PLA2R1: variants seen among roughly 807,000 people sequenced by gnomAD.
PLA2R1 encodes the protein secretory phospholipase A2 receptor.
Under a neutral mutation model 195.9 loss-of-function variants are expected in PLA2R1, and 158 were observed. That is an observed-to-expected ratio of 0.81 (90% confidence interval 0.71 to 0.92). The LOEUF (loss-of-function observed/expected upper bound fraction) is 0.92, where lower values mean the gene tolerates loss of function less well. Ranked by LOEUF, PLA2R1 falls within the 40% of genes least tolerant of loss-of-function variation. The probability of loss-of-function intolerance (pLI) is 0.00; values close to 1 mark genes in which losing one functional copy is unlikely to be tolerated. For synonymous variants in PLA2R1, 586 were observed against 598.2 expected (o/e 0.98, Z 0.30); for missense variants, 1,626 against 1,764.6 (o/e 0.92, Z 1.41).
intron 6 of PLA2R1, among the ~76,000 whole-genome samples, chr2:160,025,769 A>G (rs1007986986): frequency 6.6e-6 from 1 of 152,168 alleles, no homozygotes; most frequent in Admixed American, 6.5e-5. Flanking sequence ...GGCAGTAGTA[A>G]GTCTTTACCT....
Position 159,969,391 on chromosome 2 carries a change from T to C in PLA2R1, c.2661-32A>G. The C allele has an allele frequency of 3.4e-6, 4 of 1,177,082 alleles. No homozygotes were observed. In the South Asian group the frequency reaches 5.0e-5, roughly 15 times the overall value. The allele number at this position is 1,177,082 out of a possible 1,614,324, so 72.9% of individuals were successfully genotyped here. A position where few individuals can be genotyped will look rare whatever the true frequency, so the allele number is the denominator to read the frequency against. ...GAAGATTAAAAATGTTAAGGTCTTC[T>C]CTCATTCTGCATGTCCAGTCTCCAA... is the stretch of plus-strand genomic sequence containing the variant. On this transcript the variant is annotated intron_variant, in intron 18 of 29. Coordinates refer to ENST00000283243, the MANE Select transcript of PLA2R1 (RefSeq NM_007366.5).
intron 6 of PLA2R1, among the ~76,000 whole-genome samples, chr2:160,025,433 G>T (rs781074814): frequency 1.3e-5 from 2 of 151,878 alleles, no homozygotes; most frequent in African/African-American, 2.4e-5. Context: ...AGAAATGCAC[G>T]ATATTAAAAG....
intron 11 of PLA2R1, among the ~76,000 whole-genome samples, chr2:160,002,296 C>A (rs1691657522): frequency 6.6e-6 from 1 of 151,868 alleles, no homozygotes. Context: ...ACAACTCAAG[C>A]AGCACTTGGA....
intron 20 of PLA2R1, among the ~76,000 whole-genome samples, chr2:159,957,640 A>T (rs1043017599): frequency 2.0e-5 from 3 of 152,196 alleles, no homozygotes; most frequent in African/African-American, 7.2e-5. Context: ...GGTGTGAGCC[A>T]CTGCGCCCTG....
chr2:159,938,446 T>G lies in PLA2R1; in HGVS notation c.*3332A>C, dbSNP rs753913521. 3.9e-5 allele frequency: 6 copies of G among 152,262 alleles called. No homozygotes were observed. The highest frequency in any genetic ancestry group is 5.9e-5 in the Non-Finnish European group (4 of 68,074). The allele number at this position is 152,262 out of a possible 1,614,324, so 9.4% of individuals were successfully genotyped here. A position where few individuals can be genotyped will look rare whatever the true frequency, so the allele number is the denominator to read the frequency against. On this transcript the variant is annotated 3_prime_UTR_variant, in exon 30 of 30. Coordinates refer to ENST00000283243, the MANE Select transcript of PLA2R1 (RefSeq NM_007366.5). The stretch of plus-strand genomic sequence containing the variant: ...CTTTCTGGACGAAAAGAGTAGCTAA[T>G]GGTAGCTAATGGGATCTCACCACTG...
chr2:160,015,572 G>A (rs1165192332), intron 9 of PLA2R1, among the ~76,000 whole-genome samples: 1 of 152,108 alleles, frequency 6.6e-6, no homozygotes, highest in Non-Finnish European at 1.5e-5. Flanking sequence ...AATAAAACAC[G>A]CTGAGTTTCC....
At chr2:159,927,405 C>A (rs1163687530), downstream of PLA2R1, among the ~76,000 whole-genome samples, 1 of 152,106 alleles carries the variant, frequency 6.6e-6, no homozygotes, top group Admixed American at 6.6e-5. Context: ...AAACATGGAG[C>A]AAAACAGAAG....
chr2:159,960,436 A>AAATG (rs999521331), intron 20 of PLA2R1, among the ~76,000 whole-genome samples: 1 of 152,194 alleles, frequency 6.6e-6, no homozygotes, highest in Admixed American at 6.5e-5. Context: ...TCGAGATAGT[A>AAATG]AATGAATGAA....
Position 159,956,561 on chromosome 2 carries a change from A to G in PLA2R1, c.2971T>C (p.Cys991Arg). ...WKNWTHAQHF[C>R]AEEGGTLVAI... ...ACCAGGGTCCCCCCTTCTTCAGCAC[A>G]GAAATGTTGAGCATGCGTCCAGTTC... The change falls in exon 21 of 30, where the codon TGT becomes CGT. Residue 991 changes from cysteine to arginine, a missense_variant. Coordinates refer to ENST00000283243, the MANE Select transcript of PLA2R1 (RefSeq NM_007366.5). 1 of 1,613,900 alleles carries G rather than the reference A, an allele frequency of 6.2e-7. No homozygotes were observed.
chr2:160,052,343 G>A (rs992500309), intron 1 of PLA2R1, among the ~76,000 whole-genome samples: 15 of 152,280 alleles, frequency 9.9e-5, no homozygotes, highest in Middle Eastern at 3.4e-3. Flanking sequence ...GGCCATTCCC[G>A]TTCCCTCCTC....
chr2:159,959,632 C>T (rs1472564608), intron 20 of PLA2R1, among the ~76,000 whole-genome samples: 5 of 152,160 alleles, frequency 3.3e-5, no homozygotes, highest in Non-Finnish European at 1.5e-5. Flanking sequence ...AAAATCATTT[C>T]TAGCTCAATA....
Position 159,934,832 on chromosome 2 carries a change from A to T in PLA2R1, c.*6946T>A, listed in dbSNP as rs1433285044. 1 of 152,216 alleles carries T rather than the reference A, an allele frequency of 6.6e-6. No individual in the cohort carries two copies. Among genetic ancestry groups the T allele is most frequent in the Admixed American group, 6.5e-5 (1 of 15,282 alleles). The allele number at this position is 152,216 out of a possible 1,614,324, so 9.4% of individuals were successfully genotyped here. On this transcript the variant is annotated 3_prime_UTR_variant, in exon 30 of 30. Transcript: ENST00000283243. ...AAAACAAAGAAACTAATACTGGTAC[A>T]ATACTATTAATTAAACCATAGACTT...
At chr2:159,974,636 C>T (rs1222801104) in intron 17 of PLA2R1, among the ~76,000 whole-genome samples, 1 of 152,096 alleles carries the variant, frequency 6.6e-6, no homozygotes, top group Non-Finnish European at 1.5e-5. Context: ...TCATATTGAA[C>T]ATTATGGTTT....
chr2:160,060,972 T>C (rs1462897746), intron 1 of PLA2R1, among the ~76,000 whole-genome samples: 1 of 152,248 alleles, frequency 6.6e-6, no homozygotes, highest in African/African-American at 2.4e-5. Flanking sequence ...ATCTCTGACT[T>C]TGGTCACTTT....
At position 159,992,951 on chromosome 2, in the gene PLA2R1, T is replaced by TTA. The variant is rs772889795; in HGVS notation, c.1835-5595_1835-5594dup. Among the ~76,000 whole-genome samples, 113 of 152,184 alleles carry TTA rather than the reference T, an allele frequency of 7.4e-4. 1 individual carries two copies. Among genetic ancestry groups the TTA allele is most frequent in the Admixed American group, 2.5e-3 (38 of 15,274 alleles). On this transcript the variant is annotated intron_variant, in intron 11 of 29. Transcript: ENST00000283243. ...CAAAACATTTTTCACAGAGCCTGAG[T>TTA]TATGGAGGGCTGCAAAGGAGTGATT...
At chr2:159,988,295 C>T (rs1330775169) in intron 11 of PLA2R1, among the ~76,000 whole-genome samples, 1 of 151,028 alleles carries the variant, frequency 6.6e-6, no homozygotes. Flanking sequence ...ACTAAATTCA[C>T]ATTCATCAAC....
At position 159,983,944 on chromosome 2, in the gene PLA2R1, G is replaced by A. The variant is rs1161556573; in HGVS notation, c.2167C>T (p.His723Tyr). ...EEENFVNELLHSKFNWTEERQ... is the reference protein window; with the variant it reads ...EEENFVNELLYSKFNWTEERQ... ...AGTATTTACCAATTAAATTTTGAATGTAAGAGCTCATTCACAAAATTCTCT... is the reference window on the plus strand; with the variant it reads ...AGTATTTACCAATTAAATTTTGAATATAAGAGCTCATTCACAAAATTCTCT... The change falls in exon 13 of 30, where the codon CAT becomes TAT. Residue 723 changes from histidine (H) to tyrosine (Y), a missense_variant. His to Tyr is a moderately conservative substitution (Grantham distance 83). Coordinates refer to ENST00000283243, the MANE Select transcript of PLA2R1 (RefSeq NM_007366.5). 2 of 1,579,822 alleles carry A rather than the reference G, an allele frequency of 1.3e-6. No individual in the cohort carries two copies. The highest frequency in any genetic ancestry group is 1.7e-5 in the Admixed American group (1 of 58,244).
rs549218461 is a variant in PLA2R1, at chr2:159,933,312, T to C, written c.*8466A>G. ...TAGGTATTAGAGGAACATGCAGATT[T>C]TCACTTTTTTAAATCCAGAATTTCA... is the stretch of plus-strand genomic sequence containing the variant. On this transcript the variant is annotated 3_prime_UTR_variant, in exon 30 of 30. Transcript: ENST00000283243. The C allele has an allele frequency of 9.8e-5, 15 of 152,300 alleles. No homozygotes were observed. The highest frequency in any genetic ancestry group is 3.6e-4 in the African/African-American group (15 of 41,576). The allele number at this position is 152,300 out of a possible 1,614,324, so 9.4% of individuals were successfully genotyped here. A position where few individuals can be genotyped will look rare whatever the true frequency, so the allele number is the denominator to read the frequency against.
chr2:160,026,491 T>G (rs548946058), intron 6 of PLA2R1, among the ~76,000 whole-genome samples: 1 of 152,176 alleles, frequency 6.6e-6, no homozygotes, highest in Non-Finnish European at 1.5e-5. Flanking sequence ...TGGGCTGATA[T>G]GGACTCCAGG....
Sources: gnomAD v4.1 joint callset for allele counts (sites outside exome capture counted in the v4.1 genomes callset) on GRCh38, gnomAD v4.1.1 for gene constraint, MANE v1.5 for transcripts, NCBI Gene and HGNC (gene_info 2026-07-23, HGNC 2026-07-21) for gene names.